The following TMEM182 variants were observed in gnomAD, a reference collection of about 807,000 sequenced individuals.
TMEM182 encodes transmembrane protein 182.
In TMEM182, 20 loss-of-function variants were observed where a neutral mutation model predicts 26.8. The observed-to-expected ratio is 0.75, with a 90% confidence interval of 0.53 to 1.09. TMEM182 has a LOEUF of 1.09. TMEM182 is among the 50% of genes least tolerant of loss of function. TMEM182 has a pLI of 0.00. For synonymous variants in TMEM182, 109 were observed against 102.2 expected (o/e 1.07, Z -0.40); for missense variants, 277 against 275.5 (o/e 1.01, Z -0.04).
intron 3 of TMEM182, among the ~76,000 whole-genome samples, chr2:102,835,266 T>G (rs1302876674): frequency 1.3e-5 from 2 of 152,196 alleles, no homozygotes; most frequent in Non-Finnish European, 2.9e-5. Context: ...AGAAGGGTTT[T>G]TAGATAATAA....
At chr2:102,807,175 T>C (rs1475639836) in intron 4 of TMEM182, among the ~76,000 whole-genome samples, 3 of 152,234 alleles carry the variant, frequency 2.0e-5, no homozygotes, top group African/African-American at 7.2e-5. Flanking sequence ...ATTTTATATA[T>C]GTTGTTGACT....
downstream of TMEM182, among the ~76,000 whole-genome samples, chr2:102,820,922 G>A (rs76041626): frequency 7.4e-4 from 113 of 152,304 alleles, 1 homozygote; most frequent in African/African-American, 2.6e-3. Flanking sequence ...GAGAAGGCAG[G>A]AGGAGAACAG....
At position 102,814,973 on chromosome 2, in the gene TMEM182, A is replaced by G. The variant is rs1474555608; in HGVS notation, c.*5A>G. 11 of 1,613,050 alleles carry G rather than the reference A, an allele frequency of 6.8e-6. No homozygotes were observed. Among genetic ancestry groups the G allele is most frequent in the East Asian group, 2.2e-5 (1 of 44,894 alleles). On this transcript the variant is annotated 3_prime_UTR_variant, in exon 5 of 5. Coordinates refer to ENST00000412401, the MANE Select transcript of TMEM182 (RefSeq NM_144632.5). ...CATATTCAGATACATCACTAAATCA[A>G]CTGTTGCCACAAGTATTTTCTTGAG...
intron 3 of TMEM182, among the ~76,000 whole-genome samples, chr2:102,831,696 G>T (rs969674187): frequency 3.3e-5 from 5 of 152,086 alleles, no homozygotes; most frequent in Non-Finnish European, 7.4e-5. Flanking sequence ...GGTGGAGGTT[G>T]CAGTGAGCTG....
At position 102,797,724 on chromosome 2, in the gene TMEM182, C is replaced by A. The variant is rs1317691067; in HGVS notation, c.332-139C>A. The A allele has an allele frequency of 5.9e-6, 6 of 1,020,046 alleles. No homozygotes were observed. The African/African-American group carries it at 9.8e-5, about 17-fold the overall frequency. The allele number at this position is 1,020,046 out of a possible 1,614,324, so 63.2% of individuals were successfully genotyped here. On this transcript the variant is annotated intron_variant, in intron 3 of 4. Transcript: ENST00000412401. ...ATAAGATCTCCTGTTTGTTCAGACC[C>A]ATCCCTGGCATTCTATCTAGCAGTG...
intron 3 of TMEM182, among the ~76,000 whole-genome samples, chr2:102,830,836 TC>T (rs1683136067): frequency 6.6e-6 from 1 of 152,132 alleles, no homozygotes; most frequent in African/African-American, 2.4e-5. Context: ...CATCCTCACC[TC>T]CACCCTCCCA....
At position 102,794,733 on chromosome 2, in the gene TMEM182, G is replaced by A. The variant is rs568043253; in HGVS notation, c.332-3130G>A. On this transcript the variant is annotated intron_variant, in intron 3 of 4. Transcript: ENST00000412401. ...TGGCTGCTTTCAAGACTTTTTTTTT[G>A]TTTAGAGTTTTTGGTAATTTTATTA... Among the ~76,000 whole-genome samples the A allele has an allele frequency of 3.3e-5, 5 of 151,558 alleles. No individual in the cohort carries two copies. The East Asian group carries it at 9.7e-4, about 29-fold the overall frequency.
intron 3 of TMEM182, among the ~76,000 whole-genome samples, chr2:102,782,832 T>TA (rs1681229884): frequency 6.6e-6 from 1 of 152,218 alleles, no homozygotes; most frequent in Non-Finnish European, 1.5e-5. Flanking sequence ...ATATTTTTTT[T>TA]CTTTCTATTT....
chr2:102,740,571 C>T (rs536356538), intron 1 of TMEM182, among the ~76,000 whole-genome samples: 26 of 152,026 alleles, frequency 1.7e-4, no homozygotes, highest in Non-Finnish European at 2.9e-4. Flanking sequence ...ATAAGCAGTG[C>T]GAGAATGGAC....
chr2:102,810,547 G>A (rs1163698000), intron 4 of TMEM182, among the ~76,000 whole-genome samples: 2 of 152,120 alleles, frequency 1.3e-5, no homozygotes, highest in African/African-American at 4.8e-5. Flanking sequence ...AGTTTTGTAA[G>A]AGAACCCATG....
chr2:102,742,888 C>A (rs1679583390), intron 1 of TMEM182, among the ~76,000 whole-genome samples: 1 of 152,092 alleles, frequency 6.6e-6, no homozygotes, highest in Non-Finnish European at 1.5e-5. Context: ...TGATGAAATT[C>A]ATTTCCATTA....
chr2:102,780,467 T>TG (rs1681119613), intron 3 of TMEM182, among the ~76,000 whole-genome samples: 1 of 152,148 alleles, frequency 6.6e-6, no homozygotes, highest in Non-Finnish European at 1.5e-5. Context: ...TAACCATAGC[T>TG]TCTGCTGACA....
At chr2:102,745,546 A>C (rs1679669184) in intron 1 of TMEM182, among the ~76,000 whole-genome samples, 1 of 152,056 alleles carries the variant, frequency 6.6e-6, no homozygotes, top group South Asian at 2.1e-4. Flanking sequence ...CTTTTGATAT[A>C]TTTATGAAGT....
intron 4 of TMEM182, among the ~76,000 whole-genome samples, chr2:102,812,317 C>T (rs190598920): frequency 3.3e-5 from 5 of 151,644 alleles, no homozygotes; most frequent in Admixed American, 3.3e-4. Context: ...ATCCACTAAA[C>T]CATTGGCCTT....
chr2:102,754,941 C>T (rs1679988320), intron 1 of TMEM182, among the ~76,000 whole-genome samples: 1 of 152,184 alleles, frequency 6.6e-6, no homozygotes, highest in Non-Finnish European at 1.5e-5. Flanking sequence ...ATTGCTTATC[C>T]AGTTTTATTT....
chr2:102,791,833 C>G (rs1681652971), intron 3 of TMEM182, among the ~76,000 whole-genome samples: 1 of 151,846 alleles, frequency 6.6e-6, no homozygotes, highest in Non-Finnish European at 1.5e-5. Context: ...AGGCACAGTC[C>G]AAAATCTTCA....
chr2:102,812,611 A>G (rs1682595468), intron 4 of TMEM182, among the ~76,000 whole-genome samples: 1 of 152,226 alleles, frequency 6.6e-6, no homozygotes, highest in Non-Finnish European at 1.5e-5. Flanking sequence ...CCTATTAAAA[A>G]TCATCTACCT....
At chr2:102,775,218 G>A (rs2104684379) in intron 3 of TMEM182, 1 of 152,294 alleles carries the variant, frequency 6.6e-6, no homozygotes, top group East Asian at 1.9e-4. Flanking sequence ...TCCCTGGGAT[G>A]CAAGGCTGGT....
chr2:102,747,059 G>T (rs933074728), intron 1 of TMEM182, among the ~76,000 whole-genome samples: 9 of 152,190 alleles, frequency 5.9e-5, no homozygotes, highest in African/African-American at 2.4e-5. Flanking sequence ...AGTTATACTT[G>T]TTCTACTGGG....
Sources: allele counts gnomAD v4.1 joint callset (sites outside exome capture counted in the v4.1 genomes callset), GRCh38; gene constraint gnomAD v4.1.1; transcripts MANE v1.5; gene names NCBI Gene and HGNC (gene_info 2026-07-23, HGNC 2026-07-21).